The following FCHSD2 variants were observed in gnomAD, a reference collection of about 807,000 sequenced individuals.
FCHSD2 encodes the protein F-BAR and double SH3 domains protein 2.
FCHSD2 carries 38 observed loss-of-function variants against 108.1 expected under a neutral mutation model. That is an observed-to-expected ratio of 0.35 (90% CI 0.27 to 0.46). The LOEUF (loss-of-function observed/expected upper bound fraction) is 0.46, where lower values mean the gene tolerates loss of function less well. Ranked by LOEUF, FCHSD2 falls within the 20% of genes least tolerant of loss-of-function variation. The pLI is 1.00. For synonymous variants in FCHSD2, 279 were observed against 314.7 expected, an observed-to-expected ratio of 0.89 and a Z score of 1.20; for missense variants, 751 against 897.8, an observed-to-expected ratio of 0.84 and a Z score of 2.09.
chr11:72,993,802 A>G (rs1367285935), intron 5 of FCHSD2, among the ~76,000 whole-genome samples: 3 of 152,022 alleles, frequency 2.0e-5, no homozygotes, highest in South Asian at 2.1e-4. Flanking sequence ...AGATATACCT[A>G]ATGTTAAATG....
chr11:72,934,869 T>G (rs967560022), intron 8 of FCHSD2, among the ~76,000 whole-genome samples: 57 of 152,152 alleles, frequency 3.7e-4, no homozygotes, highest in African/African-American at 1.3e-3. Flanking sequence ...ATTGAGAAAC[T>G]GAGAAACCAT....
rs569902323 is a variant in FCHSD2 at position 73,122,846 on chromosome 11, T to C, written c.119+17185A>G. On this transcript the variant is annotated intron_variant, in intron 2 of 19. Coordinates refer to ENST00000409418, the MANE Select transcript of FCHSD2 (RefSeq NM_014824.3). ...CAATAGCTTTATAGTGTGGCTGTTC[T>C]ACTACATTTACAAAGAATCTACAAG... is the stretch of plus-strand genomic sequence containing the variant. Among the ~76,000 whole-genome samples, 11 of 152,358 alleles carry C rather than the reference T, an allele frequency of 7.2e-5. No individual in the cohort carries two copies. The East Asian group carries it at 1.7e-3, about 24-fold the overall frequency.
intron 3 of FCHSD2, among the ~76,000 whole-genome samples, chr11:73,065,322 ACT>A (rs1859266395): frequency 6.6e-6 from 1 of 152,056 alleles, no homozygotes. Context: ...CATGCTAAAA[ACT>A]CTCAATAAAC....
chr11:73,128,526 G>A (rs1359033267), intron 2 of FCHSD2, among the ~76,000 whole-genome samples: 1 of 151,994 alleles, frequency 6.6e-6, no homozygotes, highest in Non-Finnish European at 1.5e-5. Flanking sequence ...GTTAATTTCT[G>A]GTAAAAAATT....
At chr11:72,881,885 T>C (rs535181135) in intron 12 of FCHSD2, among the ~76,000 whole-genome samples, 76 of 152,332 alleles carry the variant, frequency 5.0e-4, no homozygotes, top group Non-Finnish European at 9.3e-4. Flanking sequence ...CTCACGCCTG[T>C]AATCCCAGCA....
intron 2 of FCHSD2, among the ~76,000 whole-genome samples, chr11:73,087,540 AC>A (rs1422863101): frequency 6.6e-6 from 1 of 151,908 alleles, no homozygotes; most frequent in Non-Finnish European, 1.5e-5. Flanking sequence ...CCCCATCTCT[AC>A]TAAACATACA....
intron 2 of FCHSD2, among the ~76,000 whole-genome samples, chr11:73,087,691 C>T (rs543109739): frequency 6.7e-6 from 1 of 148,582 alleles, no homozygotes; most frequent in Non-Finnish European, 1.5e-5. Flanking sequence ...GGCAACAGAG[C>T]GAGGCTTTGT....
intron 1 of FCHSD2, chr11:73,141,105 TC>T (rs1439652105): frequency 6.6e-6 from 1 of 152,250 alleles, no homozygotes; most frequent in African/African-American, 2.4e-5. Flanking sequence ...GGACACAGCC[TC>T]GGCCCCTGGG....
intron 4 of FCHSD2, among the ~76,000 whole-genome samples, chr11:73,004,778 G>A (rs1465271909): frequency 6.6e-6 from 1 of 152,170 alleles, no homozygotes; most frequent in Non-Finnish European, 1.5e-5. Context: ...ATAAATGCTA[G>A]TAACCCCTTA....
intron 8 of FCHSD2, among the ~76,000 whole-genome samples, chr11:72,982,837 T>C (rs1006315485): frequency 6.6e-6 from 1 of 152,168 alleles, no homozygotes; most frequent in African/African-American, 2.4e-5. Flanking sequence ...ATAAACGTAA[T>C]GAAATTTTTT....
intron 8 of FCHSD2, among the ~76,000 whole-genome samples, chr11:72,979,155 G>A (rs1857167038): frequency 6.6e-6 from 1 of 152,128 alleles, no homozygotes; most frequent in African/African-American, 2.4e-5. Flanking sequence ...ACCATGCCCG[G>A]CCACAGGTAG....
chr11:72,952,637 T>G (rs530137764), intron 8 of FCHSD2, among the ~76,000 whole-genome samples: 3 of 152,264 alleles, frequency 2.0e-5, no homozygotes, highest in African/African-American at 7.2e-5. Flanking sequence ...TAGTTAATTT[T>G]GGTAAGAAAA....
chr11:72,944,563 G>C (rs541438935), intron 8 of FCHSD2, among the ~76,000 whole-genome samples: 4 of 152,150 alleles, frequency 2.6e-5, no homozygotes, highest in Non-Finnish European at 5.9e-5. Flanking sequence ...AATCAGGCAG[G>C]AGAAGGAAAT....
chr11:72,858,017 A>G (rs1231000266), intron 13 of FCHSD2, among the ~76,000 whole-genome samples: 2 of 152,228 alleles, frequency 1.3e-5, no homozygotes, highest in Non-Finnish European at 2.9e-5. Flanking sequence ...TCACAGGGTT[A>G]GCATAAAGAT....
intron 2 of FCHSD2, among the ~76,000 whole-genome samples, chr11:73,123,528 A>C (rs1177810030): frequency 6.6e-6 from 1 of 152,238 alleles, no homozygotes; most frequent in Non-Finnish European, 1.5e-5. Context: ...TGTAAAGTGC[A>C]CAGGTGACTC....
intron 8 of FCHSD2, among the ~76,000 whole-genome samples, chr11:72,933,636 G>C (rs1414274537): frequency 6.6e-6 from 1 of 152,130 alleles, no homozygotes; most frequent in East Asian, 1.9e-4. Flanking sequence ...AGGAAAAAAA[G>C]TTGATTCACA....
At chr11:72,955,420 C>T (rs543508614) in intron 8 of FCHSD2, among the ~76,000 whole-genome samples, 1 of 152,190 alleles carries the variant, frequency 6.6e-6, no homozygotes, top group African/African-American at 2.4e-5. Flanking sequence ...GGAGGCTCCC[C>T]GAACCCTGTC....
chr11:73,049,881 A>G (rs1031126812), intron 3 of FCHSD2, among the ~76,000 whole-genome samples: 5 of 151,974 alleles, frequency 3.3e-5, no homozygotes, highest in Admixed American at 3.3e-4. Context: ...ATAAAAAAAA[A>G]ATTGTTTTCA....
intron 8 of FCHSD2, among the ~76,000 whole-genome samples, chr11:72,949,560 A>T (rs897598894): frequency 6.6e-6 from 1 of 152,266 alleles, no homozygotes; most frequent in African/African-American, 2.4e-5. Flanking sequence ...GTGCCTGGCA[A>T]CCACTAATCT....
Sources: gnomAD v4.1 joint callset for allele counts (sites outside exome capture counted in the v4.1 genomes callset) on GRCh38, gnomAD v4.1.1 for gene constraint, MANE v1.5 for transcripts, NCBI Gene and HGNC (gene_info 2026-07-23, HGNC 2026-07-21) for gene names.